Variants in ERG observed in about 807,000 individuals in gnomAD.
ERG encodes the protein transcriptional regulator ERG.
In ERG, 9 loss-of-function variants were observed where a neutral mutation model predicts 55.3. The ratio of observed to expected loss-of-function variants is 0.16; its 90% CI spans 0.10 to 0.28. The LOEUF (loss-of-function observed/expected upper bound fraction) is 0.28. Ranked by LOEUF, ERG falls within the 10% of genes least tolerant of loss-of-function variation. ERG has a pLI of 1.00. For synonymous variants in ERG, 223 were observed against 237.3 expected, an observed-to-expected ratio of 0.94 and a Z score of 0.55; for missense variants, 434 against 631.6, an observed-to-expected ratio of 0.69 and a Z score of 3.35.
chr21:38,518,341 G>A (rs1475248926), intron 2 of ERG, among the ~76,000 whole-genome samples: 1 of 151,640 alleles, frequency 6.6e-6, no homozygotes, highest in East Asian at 1.9e-4. Flanking sequence ...GAGTGAGGTA[G>A]GACAACCTGC....
chr21:38,473,100 T>C (rs2059154967), intron 1 of ERG, among the ~76,000 whole-genome samples: 1 of 149,726 alleles, frequency 6.7e-6, no homozygotes, highest in Non-Finnish European at 1.5e-5. Flanking sequence ...CAAGTTTTCA[T>C]TTTCACAGCA....
rs2146428694 is a variant in ERG at position 38,391,644 on chromosome 21, G to T, written c.871+15C>A. On this transcript the variant is annotated intron_variant, in intron 8 of 9. Coordinates refer to ENST00000288319, the MANE Select transcript of ERG (RefSeq NM_182918.4). ...ATCTTCTCTTATGGTTATCCAGACG[G>T]CCCCTGAAACATACCTAACTGAGGA... The T allele has an allele frequency of 1.2e-6, 2 of 1,604,848 alleles. No individual in the cohort carries two copies. The highest frequency in any genetic ancestry group is 8.5e-7 in the Non-Finnish European group (1 of 1,173,956).
the ERG span, chr21:38,367,512 A>G: frequency 4.6e-6 from 2 of 432,176 alleles, no homozygotes; most frequent in African/African-American, 2.0e-5. Flanking sequence ...GCAAGTCTTC[A>G]TGACATGGCA....
chr21:38,573,531 T>C (rs1174065296), intron 2 of ERG, among the ~76,000 whole-genome samples: 3 of 152,168 alleles, frequency 2.0e-5, no homozygotes, highest in South Asian at 2.1e-4. Context: ...GATGTTTGGG[T>C]GGAGAGAAAC....
At chr21:38,587,360 CTTT>C (rs11312805), upstream of ERG, among the ~76,000 whole-genome samples, 20 of 132,374 alleles carry the variant, frequency 1.5e-4, no homozygotes, top group Non-Finnish European at 1.5e-4. Context: ...CTGTGCAAAT[CTTT>C]TTTTTTTTTT....
At chr21:38,546,758 A>G (rs1412087553) in intron 2 of ERG, among the ~76,000 whole-genome samples, 1 of 152,240 alleles carries the variant, frequency 6.6e-6, no homozygotes, top group Non-Finnish European at 1.5e-5. Flanking sequence ...TCCTGGCCTC[A>G]GCTTCTCAGA....
intron 1 of ERG, among the ~76,000 whole-genome samples, chr21:38,483,466 T>G (rs2059256024): frequency 6.6e-6 from 1 of 152,204 alleles, no homozygotes; most frequent in Admixed American, 6.5e-5. Flanking sequence ...AAACCACTCT[T>G]TTGGAAAAGT....
At chr21:38,574,078 G>A (rs1173838398) in intron 2 of ERG, among the ~76,000 whole-genome samples, 39 of 152,114 alleles carry the variant, frequency 2.6e-4, no homozygotes, top group Admixed American at 2.5e-3. Context: ...CTGGAGGGGT[G>A]GTGTGGAATG....
At chr21:38,660,736 G>T (rs1024484415) in intron 1 of ERG, 2 of 151,854 alleles carry the variant, frequency 1.3e-5, no homozygotes, top group Admixed American at 1.3e-4. Context: ...CGGCCGCCCC[G>T]ACGCGCGACT....
intron 2 of ERG, among the ~76,000 whole-genome samples, chr21:38,514,323 T>C (rs2059536258): frequency 6.6e-6 from 1 of 151,192 alleles, no homozygotes; most frequent in South Asian, 2.1e-4. Context: ...AAAAGGAAAA[T>C]TATGGGTCAA....
At chr21:38,560,014 C>A (rs568884376) in intron 2 of ERG, among the ~76,000 whole-genome samples, 5 of 152,312 alleles carry the variant, frequency 3.3e-5, no homozygotes, top group Admixed American at 2.0e-4. Flanking sequence ...AATTTCCCAT[C>A]ATGGTGGCAC....
upstream of ERG, among the ~76,000 whole-genome samples, chr21:38,585,639 T>C (rs1568931733): frequency 6.8e-6 from 1 of 147,262 alleles, no homozygotes; most frequent in South Asian, 2.2e-4. Flanking sequence ...CCTTACAACA[T>C]GAGAAATTGT....
At chr21:38,561,618 G>C (rs1465143613) in intron 2 of ERG, among the ~76,000 whole-genome samples, 1 of 152,032 alleles carries the variant, frequency 6.6e-6, no homozygotes, top group African/African-American at 2.4e-5. Flanking sequence ...TTTTAAACTT[G>C]AGGTTTTAAA....
intron 2 of ERG, among the ~76,000 whole-genome samples, chr21:38,561,666 T>C (rs1340205643): frequency 2.6e-5 from 4 of 152,212 alleles, no homozygotes; most frequent in Admixed American, 2.6e-4. Context: ...AAGTTAGATA[T>C]TTTGTCAGTC....
chr21:38,564,787 T>C (rs1433361673), intron 2 of ERG, among the ~76,000 whole-genome samples: 3 of 152,030 alleles, frequency 2.0e-5, no homozygotes, highest in Admixed American at 1.3e-4. Context: ...CCCCTCCTCT[T>C]TCCAACCTGT....
chr21:38,603,361 C>T (rs1458684608), intron 1 of ERG, among the ~76,000 whole-genome samples: 1 of 152,064 alleles, frequency 6.6e-6, no homozygotes, highest in Non-Finnish European at 1.5e-5. Context: ...TGGCTCACGC[C>T]TGTAATCCCA....
Position 38,526,444 on chromosome 21 carries a change from G to A in ERG, c.-41+49218C>T, listed in dbSNP as rs891974832. ...CAGAGCAGGACTGTAAGACTATATT[G>A]TAGTCTACACTATGTCACAGCGGAC... On this transcript the variant is annotated intron_variant, in intron 2 of 8. Transcript: ENST00000398897. Among the ~76,000 whole-genome samples, 4 of 152,152 alleles carry A rather than the reference G, an allele frequency of 2.6e-5. 1 individual carries two copies. Among genetic ancestry groups the A allele is most frequent in the South Asian group, 4.1e-4 (2 of 4,824 alleles).
At chr21:38,429,555 G>A (rs8134586) in intron 2 of ERG, among the ~76,000 whole-genome samples, 10,706 of 12,454 alleles carry the variant, frequency 0.86, 4,969 homozygotes, top group Middle Eastern at 1. Context: ...ATGTGTATAT[G>A]TACATGTATA....
At chr21:38,440,109 T>C (rs1303254487) in intron 2 of ERG, among the ~76,000 whole-genome samples, 1 of 152,224 alleles carries the variant, frequency 6.6e-6, no homozygotes, top group Non-Finnish European at 1.5e-5. Flanking sequence ...CTTACGTAAC[T>C]TCCCCTTGGA....
Sources: gnomAD v4.1 joint callset for allele counts (sites outside exome capture counted in the v4.1 genomes callset) on GRCh38, gnomAD v4.1.1 for gene constraint, MANE v1.5 for transcripts, NCBI Gene and HGNC (gene_info 2026-07-23, HGNC 2026-07-21) for gene names.